Variants in PER1 observed in about 807,000 individuals in gnomAD.
PER1 encodes the protein period circadian protein homolog 1.
PER1 carries 87 observed loss-of-function variants against 125.9 expected under a neutral mutation model. That is an observed-to-expected ratio of 0.69 (90% CI 0.58 to 0.83). The LOEUF (loss-of-function observed/expected upper bound fraction) is 0.83, where lower values mean the gene tolerates loss of function less well. Ranked by LOEUF, PER1 falls within the 40% of genes least tolerant of loss-of-function variation. The pLI, the probability that PER1 is intolerant of heterozygous loss-of-function variation, is 0.00. For missense variants in PER1, 1,775 were observed against 1,722.8 expected (o/e 1.03, Z -0.54); for synonymous variants, 801 against 714.7 (o/e 1.12, Z -1.93).
At chr17:8,143,048 A>ATTC (rs1470722031) in intron 19 of PER1, among the ~76,000 whole-genome samples, 1 of 152,140 alleles carries the variant, frequency 6.6e-6, no homozygotes, top group Non-Finnish European at 1.5e-5. Flanking sequence ...GCTCTCTCAG[A>ATTC]AGTTATTGAG....
chr17:8,143,005 G>A (rs955259738), intron 19 of PER1, among the ~76,000 whole-genome samples, 170 bp from the exon 20 acceptor site: 1 of 152,214 alleles, frequency 6.6e-6, no homozygotes, highest in African/African-American at 2.4e-5. Context: ...GAAGAGTGGG[G>A]ATGTGAGGCC....
chr17:8,148,917 G>C (rs575962597), intron 7 of PER1, 131 bp from the exon 8 acceptor site: 1 of 1,061,156 alleles, frequency 9.4e-7, no homozygotes, highest in East Asian at 2.6e-5. Context: ...GGCCGGGCAC[G>C]GTGGCTCACG....
chr17:8,147,848 G>A (rs1322772876), intron 10 of PER1, 21 bp from the exon 11 acceptor site: 4 of 1,613,188 alleles, frequency 2.5e-6, no homozygotes, highest in Non-Finnish European at 3.4e-6. Flanking sequence ...TGGGAAAGGA[G>A]GAGCGGTCAA....
intron 17 of PER1, 119 bp from the exon 18 acceptor site, chr17:8,145,112 G>T (rs1377275635): frequency 1.8e-6 from 2 of 1,123,242 alleles, no homozygotes; most frequent in East Asian, 2.8e-5. Context: ...CCACAGCCAA[G>T]CCTGGTCTCC....
At chr17:8,144,700 C>A (rs935911941) in intron 18 of PER1, 51 bp downstream of exon 18, 4 of 1,539,318 alleles carry the variant, frequency 2.6e-6, no homozygotes, top group African/African-American at 1.4e-5. Context: ...CCCCAACAAT[C>A]CAGTCCTAGA....
At position 8,141,407 on chromosome 17, in the gene PER1, TC is replaced by T. The variant is rs1016095137; in HGVS notation, c.3601-68del. The T allele has an allele frequency of 1.3e-5, 19 of 1,509,504 alleles. No individual in the cohort carries two copies. In the Admixed American group the frequency reaches 3.5e-4, roughly 28 times the overall value. 93.5% of individuals were successfully genotyped at this position (1,509,504 alleles called of 1,614,324 possible). On this transcript the variant is annotated intron_variant, in intron 22 of 22. Transcript: ENST00000317276. ...TCACTGCTAACCTGCCAGCGCAGCT[TC>T]CCACCCCCAGCCCACTGTGCTTCCC...
Position 8,148,787 on chromosome 17 carries a change from C to T in PER1, c.906-1G>A. 1 of 1,613,444 alleles carries T rather than the reference C, an allele frequency of 6.2e-7. No homozygotes were observed. Among genetic ancestry groups the T allele is most frequent in the Non-Finnish European group, 8.5e-7 (1 of 1,179,742 alleles). On this transcript the variant is annotated splice_acceptor_variant, in intron 7 of 22. Coordinates refer to ENST00000317276, the MANE Select transcript of PER1 (RefSeq NM_002616.3). LOFTEE classifies it high-confidence loss of function. Reference sequence around the variant, plus strand: ...CCCTGGATCCCGGTCAGGACCTCCTCTAGCAAAGGAGAGAGGAGCATTAGG... The same window carrying T: ...CCCTGGATCCCGGTCAGGACCTCCTTTAGCAAAGGAGAGAGGAGCATTAGG...
rs534606652 is a variant in PER1 at position 8,150,149 on chromosome 17, G to A, written c.375-24C>T. 1.3e-4 allele frequency: 204 copies of A among 1,612,498 alleles called. No individual in the cohort carries two copies. The South Asian group carries it at 2.0e-3, about 15-fold the overall frequency. On this transcript the variant is annotated intron_variant, in intron 3 of 22. Transcript: ENST00000317276. Reference sequence around the variant, plus strand: ...TGCTGCGGGGCCCACAGGGAAGAAAGAGATAAAGACATTAGTCCCAGAGTG... The same window carrying A: ...TGCTGCGGGGCCCACAGGGAAGAAAAAGATAAAGACATTAGTCCCAGAGTG...
rs2151858486 is a variant in PER1, at chr17:8,140,896, G to A, written c.*172C>T. On this transcript the variant is annotated 3_prime_UTR_variant, in exon 23 of 23. Transcript: ENST00000317276. ...GAGTTCTGCTCTCTGCTCCCTAAGA[G>A]GCCAGAGGCAGCCCCTGGATCCTAG... 1 of 699,068 alleles carries A rather than the reference G, an allele frequency of 1.4e-6. No individual in the cohort carries two copies. The highest frequency in any genetic ancestry group is 2.4e-6 in the Non-Finnish European group (1 of 418,270). 43.3% of individuals were successfully genotyped at this position (699,068 alleles called of 1,614,324 possible).
intron 1 of PER1, among the ~76,000 whole-genome samples, 151 bp from the exon 2 acceptor site, chr17:8,150,996 A>ATG (rs973310740): frequency 1.3e-5 from 2 of 152,116 alleles, no homozygotes; most frequent in Admixed American, 1.3e-4. Flanking sequence ...GGGAGTCAGG[A>ATG]TGTCTCCTGT....
Position 8,142,478 on chromosome 17 carries a change from C to T in PER1, c.3260-20G>A. ...TGCTGCCTGTGAAGTGGGGGGCAGA[C>T]CAATGGGAGTCAGGCCGGCTGCATG... is the stretch of plus-strand genomic sequence containing the variant. On this transcript the variant is annotated intron_variant, in intron 20 of 22. Transcript: ENST00000317276. 1.3e-6 allele frequency: 2 copies of T among 1,560,908 alleles called. No individual in the cohort carries two copies. Among genetic ancestry groups the T allele is most frequent in the Non-Finnish European group, 1.7e-6 (2 of 1,151,922 alleles).
At chr17:8,145,936 C>A (rs769649798) in intron 17 of PER1, 22 bp downstream of exon 17, 2 of 1,569,552 alleles carry the variant, frequency 1.3e-6, no homozygotes, top group Admixed American at 1.8e-5. Flanking sequence ...CCAAGCACTG[C>A]CCCCCAATTC....
chr17:8,147,730 A>G lies in PER1; in HGVS notation c.1332T>C (p.Phe444=). Residue 444 remains phenylalanine, a synonymous_variant, in exon 11 of 23, where the codon TTT becomes TTC. Transcript: ENST00000317276. ...YVTMDTSWAG[F]VHPWSRKVAF... is the part of the protein sequence containing the mutation. Reference sequence around the variant, plus strand: ...CTACCTTGCGGCTCCAGGGGTGCACAAAGCCAGCCCAGCTGGTGTCCATGG... The same window carrying G: ...CTACCTTGCGGCTCCAGGGGTGCACGAAGCCAGCCCAGCTGGTGTCCATGG... The G allele has an allele frequency of 6.2e-7, 1 of 1,614,142 alleles. No individual in the cohort carries two copies. The highest frequency in any genetic ancestry group is 8.5e-7 in the Non-Finnish European group (1 of 1,180,030).
In PER1 at chr17:8,147,069, A is replaced by G. The variant is rs946623371; in HGVS notation, c.1630-67T>C. 5 of 1,463,574 alleles carry G rather than the reference A, an allele frequency of 3.4e-6. No homozygotes were observed. In the African/African-American group the frequency reaches 7.0e-5, roughly 20 times the overall value. 90.7% of individuals were successfully genotyped at this position (1,463,574 alleles called of 1,614,324 possible). On this transcript the variant is annotated intron_variant, in intron 13 of 22. Transcript: ENST00000317276. Reference sequence around the variant, plus strand: ...CGCCAGTGTCAGGGGCCAAGGGCACAATAAAACAAGAAGGTACCAGTGGGG... The same window carrying G: ...CGCCAGTGTCAGGGGCCAAGGGCACGATAAAACAAGAAGGTACCAGTGGGG...
chr17:8,149,013 A>AC lies in PER1; in HGVS notation c.906-228dup. On this transcript the variant is annotated intron_variant, in intron 7 of 22. Transcript: ENST00000317276. ...AGACCAGCCTGGCCAACATGGTGAAACCCCGTCTCTACTGAAAATACAAAA... is the reference window on the plus strand; with the variant it reads ...AGACCAGCCTGGCCAACATGGTGAAACCCCCGTCTCTACTGAAAATACAAAA... 5 of 616,038 alleles carry AC rather than the reference A, an allele frequency of 8.1e-6. 1 individual carries two copies. The South Asian group carries it at 9.8e-5, about 12-fold the overall frequency. The allele number at this position is 616,038 out of a possible 1,614,324, so 38.2% of individuals were successfully genotyped here.
chr17:8,144,241 C>A (rs940042727), intron 18 of PER1: 4 of 392,496 alleles, frequency 1.0e-5, no homozygotes, highest in Non-Finnish European at 1.8e-5. Context: ...CCTAGGCATT[C>A]CTCCTGCCCA....
At position 8,142,767 on chromosome 17, in the gene PER1, C is replaced by T. The variant is rs1375939318; in HGVS notation, c.3141G>A (p.Leu1047=). 1 of 1,613,714 alleles carries T rather than the reference C, an allele frequency of 6.2e-7. No individual in the cohort carries two copies. The highest frequency in any genetic ancestry group is 1.7e-5 in the Admixed American group (1 of 60,028). The stretch of plus-strand genomic sequence containing the variant: ...CTGTGCCGGAGCGCGAGTCCTCTTG[C>T]AGCAGAAGTTCGAGCAGGTCACTGG... ...SGSSDLLELL[L]QEDSRSGTGS... is the part of the protein sequence containing the mutation. The change falls in exon 20 of 23, where the codon CTG becomes CTA. Residue 1047 remains leucine (L), a synonymous_variant. Coordinates refer to ENST00000317276, the MANE Select transcript of PER1 (RefSeq NM_002616.3).
intron 18 of PER1, 187 bp downstream of exon 18, chr17:8,144,562 GGC>G (rs1176677403): frequency 2.9e-6 from 2 of 699,986 alleles, no homozygotes; most frequent in African/African-American, 3.7e-5. Context: ...GCCCTCCTCT[GGC>G]TGCAGCCCGG....
chr17:8,142,997 A>G (rs1001078744), intron 19 of PER1, among the ~76,000 whole-genome samples, 162 bp from the exon 20 acceptor site: 34 of 152,326 alleles, frequency 2.2e-4, no homozygotes, highest in African/African-American at 7.9e-4. Context: ...AAGCTGGCGA[A>G]GAGTGGGGAT....
Sources: allele counts gnomAD v4.1 joint callset (sites outside exome capture counted in the v4.1 genomes callset), GRCh38; gene constraint gnomAD v4.1.1; transcripts MANE v1.5; gene names NCBI Gene and HGNC (gene_info 2026-07-23, HGNC 2026-07-21).